The following NTS variants were observed in gnomAD, a reference collection of about 807,000 sequenced individuals.
The protein encoded by NTS is neurotensin/neuromedin N.
NTS carries 20 observed loss-of-function variants against 19.5 expected under a neutral mutation model. That is an observed-to-expected ratio of 1.02 (90% CI 0.72 to 1.49). NTS has a LOEUF of 1.49. NTS is among the 40% of genes most tolerant of loss of function. The pLI, the probability that NTS is intolerant of heterozygous loss-of-function variation, is 0.00. For missense variants in NTS, 215 were observed against 193.1 expected, an observed-to-expected ratio of 1.11 and a Z score of -0.67; for synonymous variants, 71 against 63.3, an observed-to-expected ratio of 1.12 and a Z score of -0.58.
chr12:85,876,552 T>A (rs1217233415), intron 1 of NTS, 88 bp from the exon 2 acceptor site: 2 of 655,534 alleles, frequency 3.1e-6, no homozygotes, highest in Admixed American at 3.2e-5. Flanking sequence ...ACCTCTAAGA[T>A]TTTTTTTTAG....
At chr12:85,875,405 C>A (rs1403101618) in intron 1 of NTS, among the ~76,000 whole-genome samples, 1 of 151,956 alleles carries the variant, frequency 6.6e-6, no homozygotes, top group Non-Finnish European at 1.5e-5. Flanking sequence ...TTTTATGTAT[C>A]ATAAATATGA....
chr12:85,882,212 C>T lies in NTS; in HGVS notation c.361-11C>T. On this transcript the variant is annotated splice_polypyrimidine_tract_variant and intron_variant, in intron 3 of 3. Coordinates refer to ENST00000256010, the MANE Select transcript of NTS (RefSeq NM_006183.5). ...CATGTAAGTTTCACTTATTTTATCT[C>T]TATCTTGCAGTTAATCCAGGAAGAT... is the stretch of plus-strand genomic sequence containing the variant. The T allele has an allele frequency of 6.4e-7, 1 of 1,571,194 alleles. No individual in the cohort carries two copies. Among genetic ancestry groups the T allele is most frequent in the Non-Finnish European group, 8.6e-7 (1 of 1,156,926 alleles).
At chr12:85,876,753 T>C in intron 2 of NTS, 52 bp downstream of exon 2, 1 of 942,888 alleles carries the variant, frequency 1.1e-6, no homozygotes, top group Non-Finnish European at 1.6e-6. Flanking sequence ...GAACTTTCAT[T>C]ATAAACATGG....
intron 3 of NTS, among the ~76,000 whole-genome samples, chr12:85,880,649 T>C (rs1429105807): frequency 6.6e-6 from 1 of 152,176 alleles, no homozygotes; most frequent in African/African-American, 2.4e-5. Context: ...TGGTAAATTG[T>C]TTAGTATTTA....
chr12:85,882,116 CA>C, intron 3 of NTS, 106 bp from the exon 4 acceptor site: 1 of 848,704 alleles, frequency 1.2e-6, no homozygotes, highest in East Asian at 2.6e-5. Flanking sequence ...ATCTCACCTA[CA>C]TATGTCTTGC....
chr12:85,876,555 T>C, intron 1 of NTS, 85 bp from the exon 2 acceptor site: 1 of 758,892 alleles, frequency 1.3e-6, no homozygotes, highest in Non-Finnish European at 2.0e-6. Flanking sequence ...TCTAAGATTT[T>C]TTTTTAGATT....
In NTS at chr12:85,874,315, G is replaced by A; in HGVS notation, c.-89G>A. ...CTCTCATAGTTCACTCACTTTCAAA[G>A]CCAGCTGAAGGAAAGAGGAAGTGCT... On this transcript the variant is annotated 5_prime_UTR_variant, in exon 1 of 4. Coordinates refer to ENST00000256010, the MANE Select transcript of NTS (RefSeq NM_006183.5). The A allele has an allele frequency of 1.1e-6, 1 of 893,546 alleles. No homozygotes were observed. Among genetic ancestry groups the A allele is most frequent in the Non-Finnish European group, 1.9e-6 (1 of 531,928 alleles). The allele number at this position is 893,546 out of a possible 1,614,324, so 55.4% of individuals were successfully genotyped here.
intron 3 of NTS, among the ~76,000 whole-genome samples, chr12:85,881,662 C>G (rs951313706): frequency 6.6e-6 from 1 of 152,096 alleles, no homozygotes; most frequent in African/African-American, 2.4e-5. Flanking sequence ...ATGTTGATTT[C>G]TACAACTGAC....
At chr12:85,881,046 A>C (rs772581973) in intron 3 of NTS, among the ~76,000 whole-genome samples, 1 of 152,154 alleles carries the variant, frequency 6.6e-6, no homozygotes, top group Non-Finnish European at 1.5e-5. Context: ...ATCCAAAAAA[A>C]CCTCAGTAAA....
At chr12:85,877,401 C>CTTTTT in intron 2 of NTS, among the ~76,000 whole-genome samples, 1 of 135,760 alleles carries the variant, frequency 7.4e-6, no homozygotes, top group Non-Finnish European at 1.6e-5. Context: ...TTTACATGTT[C>CTTTTT]TTTTTTTTTT....
In NTS at chr12:85,882,416, T is replaced by G; in HGVS notation, c.*41T>G. 3.7e-6 allele frequency: 5 copies of G among 1,359,528 alleles called. No homozygotes were observed. Among genetic ancestry groups the G allele is most frequent in the African/African-American group, 1.5e-5 (1 of 67,116 alleles). 84.2% of individuals were successfully genotyped at this position (1,359,528 alleles called of 1,614,324 possible). Reference sequence around the variant, plus strand: ...ATTTACATGTGATTGTGATTCATCATCCCTTAATTAAATATCAAATTATAT... The same window carrying G: ...ATTTACATGTGATTGTGATTCATCAGCCCTTAATTAAATATCAAATTATAT... On this transcript the variant is annotated 3_prime_UTR_variant, in exon 4 of 4. Transcript: ENST00000256010.
At position 85,882,902 on chromosome 12, in the gene NTS, C is replaced by T. The variant is rs1421182847; in HGVS notation, c.*527C>T. 1.3e-5 allele frequency: 2 copies of T among 152,100 alleles called. No individual in the cohort carries two copies. Among genetic ancestry groups the T allele is most frequent in the African/African-American group, 4.8e-5 (2 of 41,522 alleles). The allele number at this position is 152,100 out of a possible 1,614,324, so 9.4% of individuals were successfully genotyped here. A position where few individuals can be genotyped will look rare whatever the true frequency, so the allele number is the denominator to read the frequency against. Reference sequence around the variant, plus strand: ...ATTGATTAATGAACTATTGTTAATTCTTCCTATTTTAATGAATGACATTGA... The same window carrying T: ...ATTGATTAATGAACTATTGTTAATTTTTCCTATTTTAATGAATGACATTGA... On this transcript the variant is annotated 3_prime_UTR_variant, in exon 4 of 4. Transcript: ENST00000256010.
intron 1 of NTS, 76 bp from the exon 2 acceptor site, chr12:85,876,564 T>C: frequency 1.2e-6 from 1 of 861,810 alleles, no homozygotes; most frequent in Non-Finnish European, 1.7e-6. Flanking sequence ...TTTTTTTAGA[T>C]TAACCTAAAA....
At chr12:85,877,160 G>T (rs1266122360) in intron 2 of NTS, among the ~76,000 whole-genome samples, 5 of 152,094 alleles carry the variant, frequency 3.3e-5, no homozygotes, top group African/African-American at 1.2e-4. Context: ...CAATGGACTG[G>T]TAAGCAGGAG....
intron 1 of NTS, among the ~76,000 whole-genome samples, 172 bp from the exon 2 acceptor site, chr12:85,876,468 T>C (rs947422269): frequency 2.0e-5 from 3 of 151,976 alleles, no homozygotes; most frequent in Admixed American, 6.6e-5. Context: ...TTTAGCTTCC[T>C]ATTATGCTAA....
Position 85,874,344 on chromosome 12 carries a change from G to C in NTS, c.-60G>C. The C allele has an allele frequency of 1.7e-6, 2 of 1,205,604 alleles. No homozygotes were observed. Among genetic ancestry groups the C allele is most frequent in the Non-Finnish European group, 2.5e-6 (2 of 807,766 alleles). The allele number at this position is 1,205,604 out of a possible 1,614,324, so 74.7% of individuals were successfully genotyped here. A position where few individuals can be genotyped will look rare whatever the true frequency, so the allele number is the denominator to read the frequency against. On this transcript the variant is annotated 5_prime_UTR_variant, in exon 1 of 4. Coordinates refer to ENST00000256010, the MANE Select transcript of NTS (RefSeq NM_006183.5). ...GCTGAAGGAAAGAGGAAGTGCTAGA[G>C]AGAGCCCCCTTCAGTGTGCTTCTGA...
Position 85,882,340 on chromosome 12 carries a change from C to A in NTS, c.478C>A (p.Pro160Thr). 1.9e-6 allele frequency: 3 copies of A among 1,594,482 alleles called. No homozygotes were observed. The highest frequency in any genetic ancestry group is 2.3e-5 in the South Asian group (2 of 86,934). Residue 160 changes from proline to threonine, a missense_variant, in exon 4 of 4, where the codon CCC (proline) becomes ACC (threonine). Physicochemically the swap from Pro to Thr is conservative, Grantham distance 38. Coordinates refer to ENST00000256010, the MANE Select transcript of NTS (RefSeq NM_006183.5). ...RQLYENKPRR[P>T]YILKRDSYYY ...GCTGTATGAGAATAAACCCAGAAGACCCTACATACTCAAAAGAGATTCTTA... is the reference window on the plus strand; with the variant it reads ...GCTGTATGAGAATAAACCCAGAAGAACCTACATACTCAAAAGAGATTCTTA...
At chr12:85,875,450 T>C (rs1881320062) in intron 1 of NTS, among the ~76,000 whole-genome samples, 1 of 152,128 alleles carries the variant, frequency 6.6e-6, no homozygotes, top group Non-Finnish European at 1.5e-5. Context: ...ATGCTATCAT[T>C]TGATTTAAAT....
At chr12:85,876,765 A>G (rs1228440358) in intron 2 of NTS, 64 bp downstream of exon 2, 9 of 848,896 alleles carry the variant, frequency 1.1e-5, no homozygotes, top group Non-Finnish European at 1.6e-5. Flanking sequence ...TAAACATGGT[A>G]TCCTTTTCCC....
Sources: allele counts gnomAD v4.1 joint callset (sites outside exome capture counted in the v4.1 genomes callset), GRCh38; gene constraint gnomAD v4.1.1; transcripts MANE v1.5; gene names NCBI Gene and HGNC (gene_info 2026-07-23, HGNC 2026-07-21).